Variants in MYOM2 observed in about 807,000 individuals in gnomAD.
The protein encoded by MYOM2 is myomesin-2.
MYOM2 carries 254 observed loss-of-function variants against 187.6 expected under a neutral mutation model. The observed-to-expected ratio is 1.35, with a 90% CI of 1.22 to 1.50. The LOEUF (loss-of-function observed/expected upper bound fraction) is 1.50. Ranked by LOEUF, MYOM2 falls within the 40% of genes most tolerant of loss-of-function variation. The pLI, the probability that MYOM2 is intolerant of heterozygous loss-of-function variation, is 0.00. For missense variants in MYOM2, 2,796 were observed against 1,924.0 expected (o/e 1.45, Z -8.48); for synonymous variants, 981 against 753.8 (o/e 1.30, Z -4.94).
At chr8:2,093,651 C>T (rs780811837) in intron 16 of MYOM2, among the ~76,000 whole-genome samples, 12 of 152,126 alleles carry the variant, frequency 7.9e-5, no homozygotes, top group African/African-American at 1.4e-4. Flanking sequence ...TTTACATACA[C>T]GGGTTCTTTT....
intron 6 of MYOM2, among the ~76,000 whole-genome samples, chr8:2,067,206 A>G (rs902227479): frequency 2.0e-5 from 3 of 152,244 alleles, no homozygotes; most frequent in African/African-American, 4.8e-5. Context: ...AACAGAGAAG[A>G]AAATAAAATT....
rs140982484 is a variant in MYOM2, at chr8:2,123,507, G to T, written c.3568-48G>T. The T allele has an allele frequency of 2.8e-4, 426 of 1,540,778 alleles. 8 individuals carry two copies. In the East Asian group the frequency reaches 9.5e-3, roughly 35 times the overall value. ...TATTAGAGTTTATTACGTTTTCTAA[G>T]ATTGCAGTATTGACTTTACATAAAT... On this transcript the variant is annotated intron_variant, in intron 29 of 36. Transcript: ENST00000262113.
chr8:2,071,395 T>A (rs985753207), intron 8 of MYOM2, among the ~76,000 whole-genome samples: 2 of 152,190 alleles, frequency 1.3e-5, no homozygotes, highest in African/African-American at 4.8e-5. Context: ...CTGACATGTA[T>A]GTACTTCTCC....
At position 2,106,515 on chromosome 8, in the gene MYOM2, G is replaced by A. The variant is rs35141790; in HGVS notation, c.2916G>A (p.Pro972=). The A allele has an allele frequency of 5.0e-5, 81 of 1,612,428 alleles. No individual in the cohort carries two copies. Among genetic ancestry groups the A allele is most frequent in the Middle Eastern group, 1.7e-4 (1 of 6,054 alleles). ...GDHSKLYLKN[P]DKEDLGTYSV... Reference sequence around the variant, plus strand: ...GCTCCAAGCTGTACTTAAAGAATCCGGATAAGGAGGATTTAGGGACTTACT... The same window carrying A: ...GCTCCAAGCTGTACTTAAAGAATCCAGATAAGGAGGATTTAGGGACTTACT... Residue 972 remains proline, a synonymous_variant, in exon 23 of 37, where the codon CCG becomes CCA. Transcript: ENST00000262113.
At position 2,104,113 on chromosome 8, in the gene MYOM2, T is replaced by G. The variant is rs558254983; in HGVS notation, c.2734+1332T>G. ...CCACGTGCAGGAAGGAGGGCATTTT[T>G]TAAATATTACTGCTGGATTTTTATC... is the stretch of plus-strand genomic sequence containing the variant. On this transcript the variant is annotated intron_variant, in intron 21 of 36. Transcript: ENST00000262113. 2.0e-5 allele frequency among the ~76,000 whole-genome samples: 3 copies of G among 150,252 alleles called. No homozygotes were observed. The East Asian group carries it at 5.9e-4, about 30-fold the overall frequency.
chr8:2,071,805 G>A (rs894293222), intron 8 of MYOM2, among the ~76,000 whole-genome samples: 18 of 152,188 alleles, frequency 1.2e-4, no homozygotes, highest in African/African-American at 3.9e-4. Context: ...TTCTGGTGAG[G>A]AGCCTCCTCC....
intron 24 of MYOM2, 134 bp downstream of exon 24, chr8:2,108,964 T>C: frequency 6.1e-6 from 5 of 825,046 alleles, no homozygotes. Context: ...CTTACAGGAT[T>C]GAAACCTATT....
At chr8:2,054,189 CA>C (rs1237379866) in intron 3 of MYOM2, among the ~76,000 whole-genome samples, 3 of 152,166 alleles carry the variant, frequency 2.0e-5, no homozygotes, top group Admixed American at 6.5e-5. Flanking sequence ...TGGTCCTTTG[CA>C]AAAGATGAAA....
At chr8:2,086,145 T>C (rs74822912) in intron 14 of MYOM2, among the ~76,000 whole-genome samples, 1 of 10,952 alleles carries the variant, frequency 9.1e-5, no homozygotes, top group Non-Finnish European at 1.4e-4. Flanking sequence ...TCGTGATCTC[T>C]GCGTGGCCCC....
rs777461483 is a variant in MYOM2 at position 2,090,106 on chromosome 8, T to C, written c.1743T>C (p.Tyr581=). The C allele has an allele frequency of 1.4e-5, 22 of 1,613,912 alleles. No homozygotes were observed. Among genetic ancestry groups the C allele is most frequent in the East Asian group, 2.2e-5 (1 of 44,884 alleles). ...TTGACCTCATGGAAGGGAAGTCTTA[T>C]GTGTTCCGAGTGCTGTCAGCAAACC... ...AVFDLMEGKS[Y]VFRVLSANRH... The change falls in exon 15 of 37, where the codon TAT becomes TAC. Residue 581 remains tyrosine (Y), a synonymous_variant. Transcript: ENST00000262113.
In MYOM2 at chr8:2,132,116, G is replaced by T. The variant is rs117621339; in HGVS notation, c.3800+2884G>T. ...AGCAACTGGAAAAAAAGAATAATAA[G>T]AAAATTAGTTGGAAAATTTGTTGCA... On this transcript the variant is annotated intron_variant, in intron 32 of 36. Transcript: ENST00000262113. Among the ~76,000 whole-genome samples the T allele has an allele frequency of 6.6e-5, 10 of 152,262 alleles. No homozygotes were observed. The East Asian group carries it at 1.3e-3, about 21-fold the overall frequency.
At chr8:2,045,845 G>A (rs987391646) in intron 1 of MYOM2, among the ~76,000 whole-genome samples, 54 of 152,238 alleles carry the variant, frequency 3.5e-4, no homozygotes, top group African/African-American at 1.3e-3. Context: ...AAGACAGTGG[G>A]GCTGGGTGGT....
chr8:2,142,078 G>GGA (rs1179548758), intron 34 of MYOM2, among the ~76,000 whole-genome samples: 1,677 of 148,664 alleles, frequency 0.011, 10 homozygotes, highest in Middle Eastern at 0.017. Flanking sequence ...GTGAATTTGT[G>GGA]AAAAAAAAAA....
chr8:2,064,656 C>T, intron 6 of MYOM2, among the ~76,000 whole-genome samples: 1 of 152,234 alleles, frequency 6.6e-6, no homozygotes. Flanking sequence ...CGAGGTTGCA[C>T]TCCCCTGGGA....
chr8:2,114,788 C>CTTT (rs200123756), intron 25 of MYOM2, among the ~76,000 whole-genome samples: 1 of 152,014 alleles, frequency 6.6e-6, no homozygotes. Flanking sequence ...TTTCTTTTTT[C>CTTT]TTTTTATTTT....
intron 32 of MYOM2, among the ~76,000 whole-genome samples, chr8:2,137,386 C>A (rs1191076048): frequency 6.6e-6 from 1 of 151,876 alleles, no homozygotes; most frequent in Non-Finnish European, 1.5e-5. Context: ...CCCTTCTTCG[C>A]AAGCGGGGAG....
At chr8:2,046,137 A>G (rs900007595) in intron 1 of MYOM2, among the ~76,000 whole-genome samples, 10 of 152,216 alleles carry the variant, frequency 6.6e-5, no homozygotes, top group Non-Finnish European at 1.2e-4. Context: ...AATTTGGTGT[A>G]TTTATTGACT....
chr8:2,081,453 C>A (rs1396978688), intron 13 of MYOM2, among the ~76,000 whole-genome samples: 1 of 152,250 alleles, frequency 6.6e-6, no homozygotes, highest in Non-Finnish European at 1.5e-5. Context: ...GAAGAACAGG[C>A]AGTCCCCCTT....
chr8:2,127,711 C>T (rs1797702704), intron 31 of MYOM2: 1 of 124,548 alleles, frequency 8.0e-6, no homozygotes, highest in Non-Finnish European at 1.7e-5. Context: ...CGGCGTGACG[C>T]GGTGACGCAG....
Sources: gnomAD v4.1 joint callset for allele counts (sites outside exome capture counted in the v4.1 genomes callset) on GRCh38, gnomAD v4.1.1 for gene constraint, MANE v1.5 for transcripts, NCBI Gene and HGNC (gene_info 2026-07-23, HGNC 2026-07-21) for gene names.